Variants in NEK6 observed in about 807,000 individuals in gnomAD.
The protein encoded by NEK6 is serine/threonine-protein kinase Nek6.
In NEK6, 27 loss-of-function variants were observed where a neutral mutation model predicts 43.5. That is an observed-to-expected ratio of 0.62 (90% CI 0.46 to 0.86). NEK6 has a LOEUF of 0.86. Ranked by LOEUF, NEK6 falls within the 40% of genes least tolerant of loss-of-function variation. The pLI, the probability that NEK6 is intolerant of heterozygous loss-of-function variation, is 0.00. For missense variants in NEK6, 318 were observed against 414.4 expected (o/e 0.77, Z 2.02); for synonymous variants, 167 against 164.1 (o/e 1.02, Z -0.14).
intron 1 of NEK6, among the ~76,000 whole-genome samples, chr9:124,273,522 C>T (rs368874307): frequency 2.4e-4 from 36 of 152,318 alleles, no homozygotes; most frequent in African/African-American, 8.2e-4. Context: ...CGTATCCACC[C>T]TTCCTGGGAC....
chr9:124,341,272 T>G (rs942024565), intron 8 of NEK6, among the ~76,000 whole-genome samples: 7 of 152,184 alleles, frequency 4.6e-5, no homozygotes, highest in African/African-American at 7.2e-5. Flanking sequence ...GCATCTTTCT[T>G]TATAAGCCAG....
At chr9:124,347,398 C>A (rs1829992389) in intron 8 of NEK6, among the ~76,000 whole-genome samples, 1 of 152,376 alleles carries the variant, frequency 6.6e-6, no homozygotes, top group South Asian at 2.1e-4. Context: ...AGCCTGGGTC[C>A]CCCGGGCTGA....
At chr9:124,309,816 TCA>T (rs1253390543) in intron 2 of NEK6, among the ~76,000 whole-genome samples, 7 of 152,152 alleles carry the variant, frequency 4.6e-5, no homozygotes, top group Non-Finnish European at 1.0e-4. Context: ...GGCGTCTGAG[TCA>T]CAGAGTCCCA....
intron 7 of NEK6, among the ~76,000 whole-genome samples, chr9:124,328,084 A>G (rs1244223339): frequency 6.6e-6 from 1 of 152,120 alleles, no homozygotes; most frequent in Admixed American, 6.5e-5. Flanking sequence ...ACACCACCCT[A>G]TGGGTCGGGG....
chr9:124,267,371 G>T (rs941508067), intron 1 of NEK6, among the ~76,000 whole-genome samples: 1 of 152,156 alleles, frequency 6.6e-6, no homozygotes, highest in African/African-American at 2.4e-5. Flanking sequence ...GAGTCCGCCT[G>T]GATTCAGTTA....
chr9:124,278,804 C>T (rs1275010708), intron 1 of NEK6, among the ~76,000 whole-genome samples: 1 of 152,168 alleles, frequency 6.6e-6, no homozygotes, highest in African/African-American at 2.4e-5. Flanking sequence ...AAGAAGTCTT[C>T]ATACCACATC....
intron 1 of NEK6, among the ~76,000 whole-genome samples, chr9:124,277,777 C>T (rs964588658): frequency 4.5e-4 from 69 of 152,354 alleles, no homozygotes; most frequent in African/African-American, 1.5e-3. Context: ...CGCCCGCAGG[C>T]CCCATCCAGG....
intron 7 of NEK6, among the ~76,000 whole-genome samples, chr9:124,333,005 G>A (rs575647312): frequency 5.9e-5 from 9 of 152,238 alleles, no homozygotes; most frequent in East Asian, 3.9e-4. Context: ...GAGATGGGCC[G>A]GGATAAGGCC....
chr9:124,347,641 C>A, intron 8 of NEK6, 68 bp from the exon 9 acceptor site: 1 of 1,008,930 alleles, frequency 9.9e-7, no homozygotes, highest in Non-Finnish European at 1.5e-6. Context: ...CTGGAGCAGC[C>A]TCCTCCTCTC....
chr9:124,301,057 G>A (rs1348566512), intron 1 of NEK6, among the ~76,000 whole-genome samples: 2 of 152,192 alleles, frequency 1.3e-5, no homozygotes, highest in Admixed American at 6.5e-5. Context: ...CTTGTGGGGT[G>A]AGCGCAGGTC....
Position 124,257,987 on chromosome 9 carries a change from C to T in NEK6, c.-128C>T, listed in dbSNP as rs1375138662. 11 of 978,646 alleles carry T rather than the reference C, an allele frequency of 1.1e-5. No individual in the cohort carries two copies. Among genetic ancestry groups the T allele is most frequent in the Non-Finnish European group, 1.3e-5 (11 of 827,438 alleles). 60.6% of individuals were successfully genotyped at this position (978,646 alleles called of 1,614,324 possible). A position where few individuals can be genotyped will look rare whatever the true frequency, so the allele number is the denominator to read the frequency against. The stretch of plus-strand genomic sequence containing the variant: ...CGGCGGAACCGAGCTGACGGGCGTG[C>T]GGCCGCTGCGCCGCAAACTCGTGTG... On this transcript the variant is annotated 5_prime_UTR_variant, in exon 1 of 10. Coordinates refer to ENST00000320246, the MANE Select transcript of NEK6 (RefSeq NM_014397.6).
At chr9:124,325,643 A>G (rs965994551) in intron 5 of NEK6, among the ~76,000 whole-genome samples, 1 of 152,228 alleles carries the variant, frequency 6.6e-6, no homozygotes, top group African/African-American at 2.4e-5. Context: ...TGCCCTCTCC[A>G]GGACCTTCTG....
intron 5 of NEK6, among the ~76,000 whole-genome samples, chr9:124,323,994 C>G (rs1834201239): frequency 6.6e-6 from 1 of 152,130 alleles, no homozygotes; most frequent in Admixed American, 6.5e-5. Context: ...GTCCTTCCTC[C>G]TCACCTGGCA....
chr9:124,290,554 CAG>C (rs1371234032), intron 1 of NEK6, among the ~76,000 whole-genome samples: 1 of 152,238 alleles, frequency 6.6e-6, no homozygotes, highest in Non-Finnish European at 1.5e-5. Context: ...AGATGGGGCA[CAG>C]GGGTGGTTTG....
At chr9:124,273,877 C>T (rs759905754) in intron 1 of NEK6, among the ~76,000 whole-genome samples, 2 of 152,142 alleles carry the variant, frequency 1.3e-5, no homozygotes, top group African/African-American at 2.4e-5. Context: ...GCGAGTGCGG[C>T]GGCTCTTCCA....
intron 1 of NEK6, among the ~76,000 whole-genome samples, chr9:124,268,766 ATG>A (rs1831316825): frequency 6.6e-6 from 1 of 152,222 alleles, no homozygotes; most frequent in Admixed American, 6.5e-5. Context: ...TTGAGACAGA[ATG>A]TGAGATCGCG....
chr9:124,265,660 G>A (rs1554843365), intron 1 of NEK6: 1 of 152,240 alleles, frequency 6.6e-6, no homozygotes, highest in Non-Finnish European at 1.5e-5. Context: ...GCCTAAATCA[G>A]ATCACTGTCC....
chr9:124,282,282 C>T (rs185028034), intron 1 of NEK6, among the ~76,000 whole-genome samples: 2 of 152,034 alleles, frequency 1.3e-5, no homozygotes, highest in Non-Finnish European at 2.9e-5. Context: ...TTCCGTGGCT[C>T]GTCTACACAT....
chr9:124,325,683 G>C (rs973770058), intron 5 of NEK6, among the ~76,000 whole-genome samples: 1 of 152,214 alleles, frequency 6.6e-6, no homozygotes, highest in Non-Finnish European at 1.5e-5. Flanking sequence ...TGTGGCCGGG[G>C]ACCTTTAGTT....
Sources: allele counts gnomAD v4.1 joint callset (sites outside exome capture counted in the v4.1 genomes callset), GRCh38; gene constraint gnomAD v4.1.1; transcripts MANE v1.5; gene names NCBI Gene and HGNC (gene_info 2026-07-23, HGNC 2026-07-21).